TIAM1: variants seen among roughly 807,000 people sequenced by gnomAD.
TIAM1 encodes rho guanine nucleotide exchange factor TIAM1.
TIAM1 carries 65 observed loss-of-function variants against 163.5 expected under a neutral mutation model. The ratio of observed to expected loss-of-function variants is 0.40; its 90% CI spans 0.33 to 0.49. The LOEUF (loss-of-function observed/expected upper bound fraction) is 0.49. TIAM1 is among the 20% of genes least tolerant of loss of function. TIAM1 has a pLI of 0.77. For missense variants in TIAM1, 1,789 were observed against 2,044.7 expected, an observed-to-expected ratio of 0.87 and a Z score of 2.41; for synonymous variants, 833 against 810.1, an observed-to-expected ratio of 1.03 and a Z score of -0.48.
chr21:31,127,838 G>A (rs1366868721), intron 25 of TIAM1, among the ~76,000 whole-genome samples: 8 of 152,126 alleles, frequency 5.3e-5, no homozygotes, highest in African/African-American at 1.9e-4. Context: ...ATTTCATCCG[G>A]CCAGGGATAC....
intron 2 of TIAM1, among the ~76,000 whole-genome samples, chr21:31,363,732 T>C (rs1394738351): frequency 1.3e-5 from 2 of 152,100 alleles, no homozygotes; most frequent in Non-Finnish European, 2.9e-5. Flanking sequence ...AATTAAGAAT[T>C]AAAAATGGAG....
chr21:31,375,619 A>C (rs1259169933), intron 2 of TIAM1, among the ~76,000 whole-genome samples: 2 of 152,224 alleles, frequency 1.3e-5, no homozygotes, highest in Non-Finnish European at 2.9e-5. Flanking sequence ...TTCTTATATC[A>C]AAAAAGCCAG....
chr21:31,467,629 A>C (rs1215520851), intron 1 of TIAM1, among the ~76,000 whole-genome samples: 1 of 151,324 alleles, frequency 6.6e-6, no homozygotes, highest in Non-Finnish European at 1.5e-5. Context: ...CCATCTCAAA[A>C]AAAAAAAGAA....
intron 2 of TIAM1, among the ~76,000 whole-genome samples, chr21:31,318,813 C>T (rs1040126526): frequency 1.3e-5 from 2 of 152,176 alleles, no homozygotes; most frequent in Admixed American, 6.5e-5. Context: ...ATTCAGGATG[C>T]TTCCTCCATA....
chr21:31,418,312 A>C lies in TIAM1; in HGVS notation c.-369+45671T>G, dbSNP rs181187527. 1.0e-2 allele frequency among the ~76,000 whole-genome samples: 1,362 copies of C among 136,528 alleles called. 19 individuals carry two copies. Among genetic ancestry groups the C allele is most frequent in the African/African-American group, 0.035 (1,293 of 36,778 alleles). 89.6% of individuals were successfully genotyped at this position (136,528 alleles called of 152,430 possible). On this transcript the variant is annotated intron_variant, in intron 2 of 28. Coordinates refer to the TIAM1 transcript ENST00000286827. ...AGCCGAGATCACGCCACTGCACTCC[A>C]GCCTGGGCGACAGAGCGAGACTCTG...
At chr21:31,281,099 A>AC (rs2073537927) in intron 2 of TIAM1, among the ~76,000 whole-genome samples, 1 of 151,250 alleles carries the variant, frequency 6.6e-6, no homozygotes, top group African/African-American at 2.4e-5. Flanking sequence ...AAAAAAAAAA[A>AC]AAAAAAAAAC....
At chr21:31,378,065 G>A (rs1344669669) in intron 2 of TIAM1, among the ~76,000 whole-genome samples, 1 of 151,232 alleles carries the variant, frequency 6.6e-6, no homozygotes, top group Non-Finnish European at 1.5e-5. Context: ...GAACCTGGGA[G>A]GTGGAGGTTG....
intron 2 of TIAM1, among the ~76,000 whole-genome samples, chr21:31,377,031 G>GTA (rs2076698671): frequency 1.3e-5 from 1 of 75,416 alleles, no homozygotes; most frequent in African/African-American, 5.2e-5. Context: ...GCTCATTTTT[G>GTA]TCTTTTTTTT....
At position 31,449,095 on chromosome 21, in the gene TIAM1, G is replaced by A. The variant is rs180857821; in HGVS notation, c.-369+14888C>T. 3.5e-3 allele frequency among the ~76,000 whole-genome samples: 532 copies of A among 152,114 alleles called. 4 individuals carry two copies. Among genetic ancestry groups the A allele is most frequent in the African/African-American group, 0.012 (504 of 41,502 alleles). On this transcript the variant is annotated intron_variant, in intron 2 of 28. Transcript: ENST00000286827. ...TCCTCCCACCTCAGCCTCCCGAGTA[G>A]CTGGGACTACAGGCACACACCACCA...
At chr21:31,241,067 A>G (rs1192362108) in intron 6 of TIAM1, among the ~76,000 whole-genome samples, 1 of 152,090 alleles carries the variant, frequency 6.6e-6, no homozygotes, top group Non-Finnish European at 1.5e-5. Context: ...GTCTGCTGCC[A>G]TGTAAGAAGA....
At chr21:31,169,270 G>T (rs1271134540) in intron 15 of TIAM1, among the ~76,000 whole-genome samples, 1 of 152,162 alleles carries the variant, frequency 6.6e-6, no homozygotes, top group Non-Finnish European at 1.5e-5. Flanking sequence ...CTTCAGCCTG[G>T]CAGACTGAGT....
intron 1 of TIAM1, among the ~76,000 whole-genome samples, chr21:31,551,356 G>A (rs1278530439): frequency 6.6e-6 from 1 of 152,052 alleles, no homozygotes; most frequent in Non-Finnish European, 1.5e-5. Flanking sequence ...ATTGCACCAA[G>A]CCGCGATCAT....
intron 2 of TIAM1, among the ~76,000 whole-genome samples, chr21:31,432,853 T>C (rs1380348547): frequency 6.6e-6 from 1 of 152,120 alleles, no homozygotes; most frequent in African/African-American, 2.4e-5. Context: ...CTTTAATCTG[T>C]ATGTGGTCGC....
intron 2 of TIAM1, among the ~76,000 whole-genome samples, chr21:31,448,731 G>C (rs1346938677): frequency 6.6e-6 from 1 of 151,954 alleles, no homozygotes; most frequent in Non-Finnish European, 1.5e-5. Context: ...CAACTTCCCT[G>C]TCACTCAAGA....
intron 1 of TIAM1, chr21:31,464,132 G>A (rs2045435053): frequency 6.6e-6 from 1 of 152,166 alleles, no homozygotes; most frequent in Admixed American, 6.5e-5. Context: ...AAAAAGAAGT[G>A]CGTCATTTAT....
At chr21:31,137,000 G>A (rs1225457937) in intron 22 of TIAM1, among the ~76,000 whole-genome samples, 2 of 152,342 alleles carry the variant, frequency 1.3e-5, no homozygotes, top group East Asian at 1.9e-4. Flanking sequence ...CACCCCCAGC[G>A]GTCACACGCT....
At chr21:31,499,283 G>C (rs2046769572) in intron 1 of TIAM1, among the ~76,000 whole-genome samples, 2 of 152,132 alleles carry the variant, frequency 1.3e-5, no homozygotes, top group Non-Finnish European at 2.9e-5. Context: ...GATACAGCCA[G>C]GCACAGTGGC....
chr21:31,253,773 A>C lies in TIAM1; in HGVS notation c.964-1584T>G, dbSNP rs564104319. 2.6e-5 allele frequency among the ~76,000 whole-genome samples: 4 copies of C among 152,320 alleles called. No homozygotes were observed. The South Asian group carries it at 8.3e-4, about 32-fold the overall frequency. ...AACTGCTGGTTCCCACAGCTTTGCTATCTGCTATCCTGCTTATTAACATCC... is the reference window on the plus strand; with the variant it reads ...AACTGCTGGTTCCCACAGCTTTGCTCTCTGCTATCCTGCTTATTAACATCC... On this transcript the variant is annotated intron_variant, in intron 4 of 27. Transcript: ENST00000541036.
At chr21:31,454,990 G>A (rs1229083244) in intron 2 of TIAM1, among the ~76,000 whole-genome samples, 2 of 152,048 alleles carry the variant, frequency 1.3e-5, no homozygotes, top group Non-Finnish European at 2.9e-5. Flanking sequence ...AGAATAAGAT[G>A]AGCCTAGAGT....
Sources: allele counts gnomAD v4.1 joint callset (sites outside exome capture counted in the v4.1 genomes callset), GRCh38; gene constraint gnomAD v4.1.1; transcripts MANE v1.5; gene names NCBI Gene and HGNC (gene_info 2026-07-23, HGNC 2026-07-21).